The following FAR2 variants were observed in gnomAD, a reference collection of about 807,000 sequenced individuals.
FAR2 encodes the protein epididymis secretory protein Li 81.
In FAR2, 19 loss-of-function variants were observed where a neutral mutation model predicts 56.0. The observed-to-expected ratio is 0.34, with a 90% CI of 0.24 to 0.50. The LOEUF (loss-of-function observed/expected upper bound fraction) is 0.50, where lower values mean the gene tolerates loss of function less well. Ranked by LOEUF, FAR2 falls within the 20% of genes least tolerant of loss-of-function variation. The pLI is 0.98. For synonymous variants in FAR2, 219 were observed against 218.8 expected, an observed-to-expected ratio of 1.00 and a Z score of -0.01; for missense variants, 508 against 642.2, an observed-to-expected ratio of 0.79 and a Z score of 2.26.
intron 1 of FAR2, among the ~76,000 whole-genome samples, chr12:29,262,993 T>C (rs989608762): frequency 6.6e-6 from 1 of 152,136 alleles, no homozygotes. Context: ...ATAACACTTA[T>C]AGCTATATTT....
At chr12:29,207,130 G>A (rs1947485539) in intron 1 of FAR2, among the ~76,000 whole-genome samples, 1 of 152,140 alleles carries the variant, frequency 6.6e-6, no homozygotes, top group Admixed American at 6.5e-5. Context: ...AAGGAATTTG[G>A]AAACGTATTT....
chr12:29,187,397 C>A (rs1441877942), intron 1 of FAR2, among the ~76,000 whole-genome samples: 2 of 151,796 alleles, frequency 1.3e-5, no homozygotes, highest in Admixed American at 6.6e-5. Flanking sequence ...ATTGAAATAA[C>A]CCTGAAGTAA....
At chr12:29,237,898 A>G (rs1274180055) in intron 1 of FAR2, among the ~76,000 whole-genome samples, 4 of 152,208 alleles carry the variant, frequency 2.6e-5, no homozygotes, top group African/African-American at 7.2e-5. Flanking sequence ...TTTATATTAC[A>G]TGATGAGATG....
chr12:29,231,143 C>T (rs896427410), intron 1 of FAR2, among the ~76,000 whole-genome samples: 6 of 152,024 alleles, frequency 3.9e-5, no homozygotes, highest in Non-Finnish European at 8.8e-5. Flanking sequence ...AGTCTGGCAA[C>T]GAGTTTGGAG....
intron 2 of FAR2, chr12:29,277,969 C>G (rs544420483): frequency 1.3e-4 from 15 of 118,934 alleles, no homozygotes; most frequent in Admixed American, 1.2e-3. Flanking sequence ...GGGTCTCACT[C>G]TGTTGCCCAG....
chr12:29,261,345 C>G (rs917891999), intron 1 of FAR2, among the ~76,000 whole-genome samples: 2 of 151,968 alleles, frequency 1.3e-5, no homozygotes, highest in African/African-American at 2.4e-5. Context: ...GAAGAAAGAA[C>G]TAGAGAGCTT....
intron 4 of FAR2, among the ~76,000 whole-genome samples, chr12:29,305,683 C>G (rs16934124): frequency 0.069 from 10,421 of 151,956 alleles, 412 homozygotes; most frequent in South Asian, 0.12. Flanking sequence ...AATTTAGAAT[C>G]AGTATAATTA....
At chr12:29,194,295 C>T (rs1950126906) in intron 1 of FAR2, among the ~76,000 whole-genome samples, 1 of 152,140 alleles carries the variant, frequency 6.6e-6, no homozygotes, top group South Asian at 2.1e-4. Flanking sequence ...GTCTCAGCAT[C>T]ATGTTAGCAT....
At chr12:29,173,215 G>A (rs555551439) in intron 1 of FAR2, among the ~76,000 whole-genome samples, 1 of 152,286 alleles carries the variant, frequency 6.6e-6, no homozygotes, top group African/African-American at 2.4e-5. Context: ...ACGTGTACCC[G>A]GGTTGGGCCA....
At chr12:29,184,195 T>C (rs1012493367) in intron 1 of FAR2, among the ~76,000 whole-genome samples, 1 of 152,176 alleles carries the variant, frequency 6.6e-6, no homozygotes. Context: ...ATAACTCCAC[T>C]GGGATAATTG....
Position 29,227,304 on chromosome 12 carries a change from A to G in FAR2, c.-38-43108A>G, listed in dbSNP as rs962085303. Among the ~76,000 whole-genome samples, 71 of 152,244 alleles carry G rather than the reference A, an allele frequency of 4.7e-4. 1 individual carries two copies. The highest frequency in any genetic ancestry group is 1.6e-3 in the African/African-American group (65 of 41,456). The stretch of plus-strand genomic sequence containing the variant: ...AGAACATTGTGAGAAAGAATTTGAG[A>G]GAAAATAGAAACATTACAATCAACA... On this transcript the variant is annotated intron_variant, in intron 1 of 11. Coordinates refer to ENST00000536681, the MANE Select transcript of FAR2 (RefSeq NM_001271783.2).
chr12:29,150,581 T>A (rs1949674548), intron 1 of FAR2, among the ~76,000 whole-genome samples: 1 of 152,114 alleles, frequency 6.6e-6, no homozygotes, highest in Admixed American at 6.5e-5. Flanking sequence ...GTCCAAAATT[T>A]AGAAAGGGGG....
intron 1 of FAR2, among the ~76,000 whole-genome samples, chr12:29,258,105 A>T (rs1948356769): frequency 6.6e-6 from 1 of 151,730 alleles, no homozygotes; most frequent in Admixed American, 6.6e-5. Context: ...GCACTTTGGG[A>T]GGCTGAGGCG....
chr12:29,157,232 T>C (rs1949737710), intron 1 of FAR2, among the ~76,000 whole-genome samples: 1 of 150,348 alleles, frequency 6.7e-6, no homozygotes, highest in Non-Finnish European at 1.5e-5. Context: ...CTTACTGTAA[T>C]TGCCAGACAC....
At chr12:29,192,449 A>G (rs764972245) in intron 1 of FAR2, among the ~76,000 whole-genome samples, 36 of 152,294 alleles carry the variant, frequency 2.4e-4, no homozygotes, top group Non-Finnish European at 4.3e-4. Context: ...GGGCACTATG[A>G]TGGATGCTTT....
intron 1 of FAR2, among the ~76,000 whole-genome samples, chr12:29,244,002 T>TTGAA (rs5797312): frequency 4.4e-4 from 67 of 151,022 alleles, no homozygotes; most frequent in African/African-American, 1.1e-3. Context: ...TAATCAGCAG[T>TTGAA]TGAATGAATG....
At chr12:29,155,281 G>A (rs1317249317) in intron 1 of FAR2, among the ~76,000 whole-genome samples, 1 of 152,204 alleles carries the variant, frequency 6.6e-6, no homozygotes, top group Non-Finnish European at 1.5e-5. Flanking sequence ...GCCATCCCCT[G>A]CAGGGCAATA....
chr12:29,249,666 C>G (rs978226259), intron 1 of FAR2, among the ~76,000 whole-genome samples: 23 of 152,252 alleles, frequency 1.5e-4, no homozygotes, highest in African/African-American at 3.4e-4. Context: ...GAACTGGAGT[C>G]ATGCTCTGCT....
chr12:29,244,865 G>C (rs1227136825), intron 1 of FAR2, among the ~76,000 whole-genome samples: 1 of 152,070 alleles, frequency 6.6e-6, no homozygotes, highest in Admixed American at 6.6e-5. Flanking sequence ...AAATATACAA[G>C]ATCAAATATG....
Sources: gnomAD v4.1 joint callset for allele counts (sites outside exome capture counted in the v4.1 genomes callset) on GRCh38, gnomAD v4.1.1 for gene constraint, MANE v1.5 for transcripts, NCBI Gene and HGNC (gene_info 2026-07-23, HGNC 2026-07-21) for gene names.